The following PARP1 variants were observed in gnomAD, a reference collection of about 807,000 sequenced individuals.
PARP1 encodes poly(ADP-ribose) polymerase 1, also known as poly [ADP-ribose] polymerase 1.
A neutral mutation model predicts 118.7 loss-of-function variants in PARP1; 44 were observed. The ratio of observed to expected loss-of-function variants is 0.37; its 90% CI spans 0.29 to 0.48. The LOEUF (loss-of-function observed/expected upper bound fraction) is 0.48, where lower values mean the gene tolerates loss of function less well. PARP1 is among the 20% of genes least tolerant of loss of function. The pLI is 0.99. For synonymous variants in PARP1, 492 were observed against 483.2 expected (o/e 1.02, Z -0.24); for missense variants, 1,100 against 1,272.4 (o/e 0.86, Z 2.06).
chr1:226,392,439 G>C, intron 2 of PARP1, 125 bp from the exon 3 acceptor site: 1 of 753,864 alleles, frequency 1.3e-6, no homozygotes, highest in South Asian at 1.4e-5. Context: ...GGGAGACTAC[G>C]ATTGGTCCAT....
At chr1:226,372,697 A>AC (rs1664412020) in intron 14 of PARP1, among the ~76,000 whole-genome samples, 1 of 152,014 alleles carries the variant, frequency 6.6e-6, no homozygotes, top group African/African-American at 2.4e-5. Flanking sequence ...ACCAAACCAA[A>AC]CACAAAACAA....
intron 18 of PARP1, among the ~76,000 whole-genome samples, chr1:226,365,420 T>C (rs1305691927): frequency 6.6e-6 from 1 of 152,252 alleles, no homozygotes; most frequent in Non-Finnish European, 1.5e-5. Context: ...TGATAATCTA[T>C]GTTCTGAGAC....
rs571042502 is a variant in PARP1 at position 226,384,771 on chromosome 1, T to C, written c.1011+733A>G. The stretch of plus-strand genomic sequence containing the variant: ...AGGGGCCAGTGGAAATGGAGTTCAG[T>C]TGTAGGTGTAGAGCGAGTAATGTCG... On this transcript the variant is annotated intron_variant, in intron 7 of 22. Coordinates refer to ENST00000366794, the MANE Select transcript of PARP1 (RefSeq NM_001618.4). Among the ~76,000 whole-genome samples the C allele has an allele frequency of 2.0e-5, 3 of 152,292 alleles. No individual in the cohort carries two copies. In the South Asian group the frequency reaches 6.2e-4, roughly 32 times the overall value.
intron 17 of PARP1, chr1:226,367,009 C>A: frequency 7.7e-6 from 2 of 259,972 alleles, no homozygotes; most frequent in Non-Finnish European, 1.5e-5. Flanking sequence ...CAACACAGTC[C>A]ACTTCAGCAC....
chr1:226,405,029 C>G (rs541111173), intron 1 of PARP1, among the ~76,000 whole-genome samples: 4 of 152,200 alleles, frequency 2.6e-5, no homozygotes, highest in Non-Finnish European at 5.9e-5. Flanking sequence ...ATGCCCCAGG[C>G]ATGAGGGCTA....
intron 1 of PARP1, among the ~76,000 whole-genome samples, chr1:226,406,573 G>A (rs972014990): frequency 4.6e-5 from 7 of 152,180 alleles, no homozygotes; most frequent in African/African-American, 1.7e-4. Flanking sequence ...AGCTCCATCA[G>A]GTGGCATCCA....
In PARP1 at chr1:226,380,098, T is replaced by A. The variant is rs754869096; in HGVS notation, c.1367A>T (p.Glu456Val). The change falls in exon 10 of 23, where the codon GAG becomes GTG. Residue 456 changes from glutamate (E) to valine (V), a missense_variant. By Grantham distance (121) the Glu-to-Val change is moderately radical. Around this residue, in one of 2 missense-constraint regions of PARP1, gnomAD observed 948 missense variants for 1,031.8 expected, o/e 0.92. Transcript: ENST00000366794. ...GGCGGAGACGTCCTGGAGGAAGTCC[T>A]CAGACACAACTCGGATGTTGGCTTC... ...VKEANIRVVS[E>V]DFLQDVSAST... 8.7e-6 allele frequency: 14 copies of A among 1,614,190 alleles called. No homozygotes were observed. The Middle Eastern group carries it at 6.6e-4, about 76-fold the overall frequency.
At chr1:226,383,918 G>A (rs2117114) in intron 7 of PARP1, among the ~76,000 whole-genome samples, 124,243 of 152,190 alleles carry the variant, frequency 0.82, 51,256 homozygotes, top group African/African-American at 0.87. Flanking sequence ...GATTGCTTCC[G>A]ACACACACAG....
intron 12 of PARP1, among the ~76,000 whole-genome samples, chr1:226,378,757 C>G (rs1664541997): frequency 6.6e-6 from 1 of 152,144 alleles, no homozygotes; most frequent in Non-Finnish European, 1.5e-5. Context: ...ATTGCTTGAG[C>G]CTGGGAGGTC....
chr1:226,385,901 C>T (rs1237053616), intron 6 of PARP1, among the ~76,000 whole-genome samples: 1 of 152,256 alleles, frequency 6.6e-6, no homozygotes. Flanking sequence ...GTTCCTGCAG[C>T]GCCCCCAACC....
At chr1:226,403,842 T>C (rs1230938113) in intron 1 of PARP1, among the ~76,000 whole-genome samples, 2 of 152,238 alleles carry the variant, frequency 1.3e-5, no homozygotes, top group Non-Finnish European at 2.9e-5. Flanking sequence ...AATAAGACTA[T>C]TAAAACAGCA....
intron 12 of PARP1, among the ~76,000 whole-genome samples, chr1:226,377,738 G>T (rs180674861): frequency 6.6e-6 from 1 of 152,224 alleles, no homozygotes; most frequent in East Asian, 1.9e-4. Flanking sequence ...AATGAGGGGG[G>T]CAGTGGCAAT....
At position 226,390,607 on chromosome 1, in the gene PARP1, G is replaced by A; in HGVS notation, c.420C>T (p.Ser140=). ...EKIEKGQVRL[S]KKMVDPEKPQ... is the part of the protein sequence containing the mutation. Reference sequence around the variant, plus strand: ...GCTTCTCCGGGTCCACCATCTTCTTGGACAGGCGCACCTGGCCCTGCAGGA... The same window carrying A: ...GCTTCTCCGGGTCCACCATCTTCTTAGACAGGCGCACCTGGCCCTGCAGGA... The change falls in exon 4 of 23, where the codon TCC becomes TCT. Residue 140 remains serine (S), a synonymous_variant. Transcript: ENST00000366794. The A allele has an allele frequency of 1.2e-6, 2 of 1,614,118 alleles. No individual in the cohort carries two copies. Among genetic ancestry groups the A allele is most frequent in the Non-Finnish European group, 8.5e-7 (1 of 1,180,010 alleles).
chr1:226,386,209 CAATT>C, intron 6 of PARP1, 113 bp downstream of exon 6: 2 of 740,648 alleles, frequency 2.7e-6, no homozygotes, highest in South Asian at 1.4e-5. Flanking sequence ...ATACTCCTTG[CAATT>C]AATACCAGCA....
At chr1:226,388,907 G>GC (rs750330165) in intron 4 of PARP1, 152 bp from the exon 5 acceptor site, 2 of 702,608 alleles carry the variant, frequency 2.8e-6, no homozygotes, top group Non-Finnish European at 5.1e-6. Flanking sequence ...CCCACTCAGT[G>GC]CCCTTAGGCG....
chr1:226,379,174 C>T lies in PARP1; in HGVS notation c.1713G>A (p.Lys571=), dbSNP rs1664552352. 6.2e-7 allele frequency: 1 copy of T among 1,614,220 alleles called. No homozygotes were observed. The highest frequency in any genetic ancestry group is 1.1e-5 in the South Asian group (1 of 91,092). ...CCTTGTCGTCCTCCAGAAGCTGCAG[C>T]TTGTAGTAGGAGTTGGTTCCTTTAA... is the stretch of plus-strand genomic sequence containing the variant. ...DIVKGTNSYY[K]LQLLEDDKEN... Residue 571 remains lysine, a synonymous_variant, in exon 12 of 23, where the codon AAG becomes AAA. Coordinates refer to ENST00000366794, the MANE Select transcript of PARP1 (RefSeq NM_001618.4).
At chr1:226,389,226 G>C (rs1191147126) in intron 4 of PARP1, among the ~76,000 whole-genome samples, 5 of 152,148 alleles carry the variant, frequency 3.3e-5, no homozygotes, top group Admixed American at 3.3e-4. Context: ...ACAGAGCAAG[G>C]GAAAGAGGCT....
At chr1:226,406,519 A>T (rs771799265) in intron 1 of PARP1, among the ~76,000 whole-genome samples, 1 of 152,184 alleles carries the variant, frequency 6.6e-6, no homozygotes, top group Non-Finnish European at 1.5e-5. Context: ...TTCCACCCTT[A>T]GCTGGGTCAT....
At chr1:226,361,938 G>GTGCTCA (rs1558232174) in intron 22 of PARP1, 31 bp downstream of exon 22, 1 of 1,296,588 alleles carries the variant, frequency 7.7e-7, no homozygotes, top group South Asian at 1.2e-5. Context: ...ACATCCCTTT[G>GTGCTCA]TGCTCACACA....
Sources: gnomAD v4.1 joint callset for allele counts (sites outside exome capture counted in the v4.1 genomes callset) on GRCh38, gnomAD v4.1.1 for gene constraint, gnomAD v4.1.1 regional missense constraint, MANE v1.5 for transcripts, NCBI Gene and HGNC (gene_info 2026-07-23, HGNC 2026-07-21) for gene names.